Variants in ZBTB16 observed in about 807,000 individuals in gnomAD.
ZBTB16 encodes the protein zinc finger and BTB domain containing 16, also known as zinc finger and BTB domain-containing protein 16.
In ZBTB16, 8 loss-of-function variants were observed where a neutral mutation model predicts 56.8. That is an observed-to-expected ratio of 0.14 (90% CI 0.08 to 0.25). The LOEUF (loss-of-function observed/expected upper bound fraction) is 0.25. ZBTB16 is among the 10% of genes least tolerant of loss of function. ZBTB16 has a pLI of 1.00. For synonymous variants in ZBTB16, 363 were observed against 368.5 expected (o/e 0.98, Z 0.17); for missense variants, 625 against 903.0 (o/e 0.69, Z 3.95).
At position 114,242,372 on chromosome 11, in the gene ZBTB16, T is replaced by A. The variant is rs78801356; in HGVS notation, c.1624+35T>A. 1.2e-3 allele frequency: 1,914 copies of A among 1,610,410 alleles called. 17 individuals are homozygous for A. In the African/African-American group the frequency reaches 0.022, roughly 19 times the overall value. ...TCCAGCTGATGGGTGGATCTGGGTC[T>A]CTGGGAGCCAGCGTCTATATTTACC... On this transcript the variant is annotated intron_variant, in intron 5 of 6. Coordinates refer to ENST00000335953, the MANE Select transcript of ZBTB16 (RefSeq NM_006006.6).
intron 2 of ZBTB16, among the ~76,000 whole-genome samples, chr11:114,145,869 C>T (rs1260782569): frequency 6.6e-6 from 1 of 152,152 alleles, no homozygotes; most frequent in Non-Finnish European, 1.5e-5. Context: ...CCCTGGCATA[C>T]TCTGAGGTTA....
At chr11:114,125,426 G>A (rs1941478418) in intron 2 of ZBTB16, among the ~76,000 whole-genome samples, 1 of 152,160 alleles carries the variant, frequency 6.6e-6, no homozygotes, top group Non-Finnish European at 1.5e-5. Context: ...CTTTTTGTGT[G>A]TTAGAGGTGA....
chr11:114,129,863 T>G (rs1203166860), intron 2 of ZBTB16, among the ~76,000 whole-genome samples: 1 of 152,240 alleles, frequency 6.6e-6, no homozygotes. Context: ...TTCTCCCCCC[T>G]CCTTCTCTCC....
chr11:114,234,328 A>G (rs1483214981), intron 4 of ZBTB16, among the ~76,000 whole-genome samples: 1 of 152,232 alleles, frequency 6.6e-6, no homozygotes, highest in Non-Finnish European at 1.5e-5. Context: ...CTCTATATGC[A>G]GGAGACAAAC....
intron 2 of ZBTB16, among the ~76,000 whole-genome samples, chr11:114,127,531 T>G (rs987563200): frequency 3.9e-5 from 6 of 152,068 alleles, no homozygotes; most frequent in African/African-American, 1.2e-4. Flanking sequence ...ACATACACAC[T>G]CTGTTAAATG....
chr11:114,233,125 A>ACTCTCT (rs34864436), intron 4 of ZBTB16, among the ~76,000 whole-genome samples: 1 of 54,720 alleles, frequency 1.8e-5, no homozygotes, highest in Admixed American at 2.3e-4. Flanking sequence ...ACACACACAC[A>ACTCTCT]CTCTCTCTCT....
rs969700699 is a variant in ZBTB16, at chr11:114,251,746, G to A, written c.*1191G>A. On this transcript the variant is annotated 3_prime_UTR_variant, in exon 7 of 7. Transcript: ENST00000335953. ...AGCGCCCCTCGGTCCACAGTGGAGA[G>A]GAGGAGGAGGAGGAGCAGAAGGAGG... Among the ~76,000 whole-genome samples, 1 of 152,046 alleles carries A rather than the reference G, an allele frequency of 6.6e-6. No individual in the cohort carries two copies. The highest frequency in any genetic ancestry group is 1.5e-5 in the Non-Finnish European group (1 of 67,964).
At chr11:114,061,066 C>T (rs959289268) in intron 1 of ZBTB16, among the ~76,000 whole-genome samples, 2 of 152,122 alleles carry the variant, frequency 1.3e-5, no homozygotes, top group Admixed American at 1.3e-4. Context: ...CTCCTTCTTT[C>T]AGGAGTCTAG....
chr11:114,127,519 A>C (rs1941542813), intron 2 of ZBTB16, among the ~76,000 whole-genome samples: 1 of 152,160 alleles, frequency 6.6e-6, no homozygotes, highest in African/African-American at 2.4e-5. Context: ...GCATGCATAC[A>C]CACATACACA....
chr11:114,106,445 T>C (rs989813853), intron 2 of ZBTB16, among the ~76,000 whole-genome samples: 14 of 151,934 alleles, frequency 9.2e-5, no homozygotes, highest in Non-Finnish European at 1.9e-4. Flanking sequence ...GAAACTTGTA[T>C]ACATTGGTCT....
intron 2 of ZBTB16, among the ~76,000 whole-genome samples, chr11:114,100,849 G>A (rs1940581017): frequency 1.3e-5 from 2 of 152,074 alleles, no homozygotes; most frequent in African/African-American, 4.8e-5. Flanking sequence ...GCGATCTACA[G>A]CTTTCGCAAA....
intron 2 of ZBTB16, among the ~76,000 whole-genome samples, chr11:114,070,177 C>T (rs1052604734): frequency 7.9e-5 from 11 of 139,422 alleles, no homozygotes; most frequent in Non-Finnish European, 1.4e-4. Flanking sequence ...GGCGCAATCT[C>T]GGCTCACTGC....
Position 114,236,671 on chromosome 11 carries a change from A to G in ZBTB16, c.1454-5496A>G, listed in dbSNP as rs182151232. On this transcript the variant is annotated intron_variant, in intron 4 of 6. Coordinates refer to ENST00000335953, the MANE Select transcript of ZBTB16 (RefSeq NM_006006.6). ...TCATCCCTAGCCCTCTGTCTGTACC[A>G]TGACTCTCCTCATACCTCCTCCTCT... 8.5e-5 allele frequency among the ~76,000 whole-genome samples: 13 copies of G among 152,276 alleles called. No individual in the cohort carries two copies. The East Asian group carries it at 2.1e-3, about 25-fold the overall frequency.
chr11:114,245,187 G>A (rs974111927), intron 5 of ZBTB16, among the ~76,000 whole-genome samples: 1 of 152,226 alleles, frequency 6.6e-6, no homozygotes, highest in African/African-American at 2.4e-5. Context: ...CTGGGGGCCA[G>A]GCAGTCCGCA....
chr11:114,219,679 A>T lies in ZBTB16; in HGVS notation c.1454-22488A>T, dbSNP rs189323832. ...AAAGCTTAAAAAAAAAAAGTCTTTT[A>T]AACAGTCAGAGGACAATTTAAGACA... On this transcript the variant is annotated intron_variant, in intron 4 of 6. Transcript: ENST00000335953. Among the ~76,000 whole-genome samples, 1,448 of 152,274 alleles carry T rather than the reference A, an allele frequency of 9.5e-3. 68 individuals are homozygous for T. The highest frequency in any genetic ancestry group is 0.083 in the Admixed American group (1,276 of 15,292).
chr11:114,185,422 G>T (rs1325538039), intron 3 of ZBTB16, among the ~76,000 whole-genome samples: 1 of 152,214 alleles, frequency 6.6e-6, no homozygotes, highest in East Asian at 1.9e-4. Flanking sequence ...GCCCAGAGAG[G>T]GCCGGTGAGG....
At chr11:114,239,531 C>T (rs438490) in intron 4 of ZBTB16, among the ~76,000 whole-genome samples, 92,308 of 151,924 alleles carry the variant, frequency 0.61, 30,246 homozygotes, top group East Asian at 0.77. Context: ...CAGGGAGGGA[C>T]ATTGAAGACT....
intron 2 of ZBTB16, among the ~76,000 whole-genome samples, chr11:114,070,097 T>C (rs1424583426): frequency 3.0e-4 from 1 of 3,350 alleles, no homozygotes; most frequent in Admixed American, 6.7e-3. Context: ...TACCTTTCTT[T>C]TTTTTTTTTT....
intron 2 of ZBTB16, among the ~76,000 whole-genome samples, chr11:114,134,893 A>G (rs1941759305): frequency 6.6e-6 from 1 of 152,258 alleles, no homozygotes; most frequent in Admixed American, 6.5e-5. Context: ...TACCTTTCAG[A>G]TTAATTCCAA....
Sources: allele counts gnomAD v4.1 joint callset (sites outside exome capture counted in the v4.1 genomes callset), GRCh38; gene constraint gnomAD v4.1.1; transcripts MANE v1.5; gene names NCBI Gene and HGNC (gene_info 2026-07-23, HGNC 2026-07-21).